Variants in TCF7L2 observed in about 807,000 individuals in gnomAD.
TCF7L2 encodes transcription factor 7-like 2.
Under a neutral mutation model 77.9 loss-of-function variants are expected in TCF7L2, and 23 were observed. That is an observed-to-expected ratio of 0.30 (90% CI 0.21 to 0.42). TCF7L2 has a LOEUF of 0.42. Among genes scored for constraint, TCF7L2 ranks in the 10% least tolerant of loss-of-function variants. The pLI, the probability that TCF7L2 is intolerant of heterozygous loss-of-function variation, is 1.00. For synonymous variants in TCF7L2, 413 were observed against 340.2 expected, an observed-to-expected ratio of 1.21 and a Z score of -2.36; for missense variants, 654 against 793.1, an observed-to-expected ratio of 0.82 and a Z score of 2.11.
chr10:113,150,900 T>TA, intron 8 of TCF7L2, 98 bp from the exon 9 acceptor site: 2 of 1,522,448 alleles, frequency 1.3e-6, no homozygotes, highest in Non-Finnish European at 1.8e-6. Context: ...ATGTGAGTGT[T>TA]ACGTGCTGTT....
intron 3 of TCF7L2, among the ~76,000 whole-genome samples, chr10:112,956,098 CT>C (rs749592131): frequency 3.9e-5 from 6 of 152,044 alleles, no homozygotes; most frequent in Admixed American, 1.3e-4. Context: ...ACAGGCCCCC[CT>C]GAATCACATT....
chr10:113,130,080 C>T (rs2066335091), intron 5 of TCF7L2: 4 of 775,512 alleles, frequency 5.2e-6, no homozygotes, highest in African/African-American at 1.2e-4. Flanking sequence ...ATGCTTTTTC[C>T]CCCCCCTTAA....
chr10:113,042,356 T>A, intron 5 of TCF7L2, among the ~76,000 whole-genome samples: 1 of 152,110 alleles, frequency 6.6e-6, no homozygotes, highest in East Asian at 1.9e-4. Context: ...CTGGCAACTG[T>A]CTACAATCTT....
chr10:113,141,176 C>G lies in TCF7L2; in HGVS notation c.553-8C>G, dbSNP rs1592224779. On this transcript the variant is annotated splice_polypyrimidine_tract_variant and splice_region_variant and intron_variant, in intron 5 of 13. Coordinates refer to ENST00000627217, the MANE Select transcript of TCF7L2 (RefSeq NM_001146274.2). ...TGACGGTGTCTTTCTCTGTTCTCCT[C>G]CCCACAGTCTAACAAAGTGCCAGTG... The G allele has an allele frequency of 5.0e-6, 8 of 1,613,874 alleles. No individual in the cohort carries two copies. Among genetic ancestry groups the G allele is most frequent in the Non-Finnish European group, 6.8e-6 (8 of 1,179,874 alleles).
intron 3 of TCF7L2, among the ~76,000 whole-genome samples, chr10:112,962,671 T>C (rs1307244494): frequency 2.0e-5 from 3 of 152,218 alleles, no homozygotes; most frequent in Non-Finnish European, 4.4e-5. Flanking sequence ...AGGTCTTGGC[T>C]CACTGCAACT....
chr10:112,978,654 T>C (rs11196176), intron 4 of TCF7L2, among the ~76,000 whole-genome samples: 38 of 135,120 alleles, frequency 2.8e-4, no homozygotes, highest in Admixed American at 2.2e-4. Context: ...TTTTTTTTTG[T>C]ATTTTTAGTA....
At chr10:112,986,133 G>C (rs1334298779) in intron 4 of TCF7L2, among the ~76,000 whole-genome samples, 1 of 152,044 alleles carries the variant, frequency 6.6e-6, no homozygotes, top group Non-Finnish European at 1.5e-5. Context: ...GGTTATGTGG[G>C]TACTCAGGCT....
chr10:113,000,539 T>G (rs1359525725), intron 4 of TCF7L2, among the ~76,000 whole-genome samples: 1 of 152,176 alleles, frequency 6.6e-6, no homozygotes, highest in Non-Finnish European at 1.5e-5. Context: ...AGCCCAGATT[T>G]GAGGCCTAGC....
chr10:113,027,350 G>A (rs542331303), intron 4 of TCF7L2, among the ~76,000 whole-genome samples: 43 of 152,264 alleles, frequency 2.8e-4, no homozygotes, highest in African/African-American at 9.4e-4. Context: ...GGTTCTTTCA[G>A]CGTTTCTCTC....
chr10:113,051,405 T>C (rs2054459095), intron 5 of TCF7L2, among the ~76,000 whole-genome samples: 1 of 152,180 alleles, frequency 6.6e-6, no homozygotes, highest in Non-Finnish European at 1.5e-5. Context: ...TAGTCTTCTG[T>C]CCCTTACAAC....
intron 5 of TCF7L2, among the ~76,000 whole-genome samples, chr10:113,090,014 C>G (rs748166336): frequency 2.0e-5 from 3 of 152,162 alleles, no homozygotes; most frequent in Non-Finnish European, 4.4e-5. Flanking sequence ...CACTTTGCCT[C>G]GACAATACCT....
chr10:113,134,951 C>T (rs148299958), intron 5 of TCF7L2, among the ~76,000 whole-genome samples: 1 of 152,156 alleles, frequency 6.6e-6, no homozygotes, highest in Non-Finnish European at 1.5e-5. Context: ...GCAATAGGGG[C>T]GTATTGAAGA....
At chr10:113,056,797 T>G (rs1398661273) in intron 5 of TCF7L2, among the ~76,000 whole-genome samples, 1 of 152,210 alleles carries the variant, frequency 6.6e-6, no homozygotes, top group Non-Finnish European at 1.5e-5. Context: ...ACATGATTCA[T>G]TTGCCACTTG....
chr10:113,162,557 G>C (rs1218808967), intron 13 of TCF7L2, among the ~76,000 whole-genome samples: 2 of 152,148 alleles, frequency 1.3e-5, no homozygotes, highest in Non-Finnish European at 2.9e-5. Flanking sequence ...TGTTTGAGCA[G>C]CATGGTTTTC....
At chr10:112,951,027 G>T in intron 1 of TCF7L2, 82 bp downstream of exon 1, 1 of 1,502,162 alleles carries the variant, frequency 6.7e-7, no homozygotes. Context: ...GAGAAATCGG[G>T]GCTGGGGGCG....
At chr10:112,990,666 A>G (rs991719928) in intron 4 of TCF7L2, among the ~76,000 whole-genome samples, 2 of 152,066 alleles carry the variant, frequency 1.3e-5, no homozygotes, top group Non-Finnish European at 2.9e-5. Context: ...TGATTGTGCC[A>G]CTGCACTGCA....
chr10:113,070,756 T>C (rs981644922), intron 5 of TCF7L2, among the ~76,000 whole-genome samples: 1 of 152,182 alleles, frequency 6.6e-6, no homozygotes, highest in African/African-American at 2.4e-5. Flanking sequence ...CAAGGAACCC[T>C]CCTTCTTAAA....
intron 4 of TCF7L2, among the ~76,000 whole-genome samples, chr10:113,006,758 C>G (rs895285646): frequency 6.6e-6 from 1 of 152,258 alleles, no homozygotes; most frequent in Non-Finnish European, 1.5e-5. Flanking sequence ...GTGTTGGCAT[C>G]TCTGGATGTT....
intron 4 of TCF7L2, among the ~76,000 whole-genome samples, chr10:113,014,605 C>A (rs952133815): frequency 6.6e-6 from 1 of 151,646 alleles, no homozygotes; most frequent in Non-Finnish European, 1.5e-5. Flanking sequence ...ACCAACATGG[C>A]GAAACCCCGT....
Sources: allele counts gnomAD v4.1 joint callset (sites outside exome capture counted in the v4.1 genomes callset), GRCh38; gene constraint gnomAD v4.1.1; transcripts MANE v1.5; gene names NCBI Gene and HGNC (gene_info 2026-07-23, HGNC 2026-07-21).